The following RAB29 variants were observed in gnomAD, a reference collection of about 807,000 sequenced individuals.
RAB29 encodes ras-related protein Rab-29.
RAB29 carries 13 observed loss-of-function variants against 25.5 expected under a neutral mutation model. The ratio of observed to expected loss-of-function variants is 0.51; its 90% CI spans 0.33 to 0.81. The LOEUF (loss-of-function observed/expected upper bound fraction) is 0.81. Among genes scored for constraint, RAB29 ranks in the 30% least tolerant of loss-of-function variants. The pLI is 0.02. For synonymous variants in RAB29, 88 were observed against 95.0 expected (o/e 0.93, Z 0.43); for missense variants, 201 against 254.9 (o/e 0.79, Z 1.44).
chr1:205,773,766 A>T (rs574777137), intron 2 of RAB29, among the ~76,000 whole-genome samples: 8 of 152,072 alleles, frequency 5.3e-5, no homozygotes, highest in Admixed American at 3.3e-4. Flanking sequence ...TCAGCCTCCT[A>T]AAGTGCTGGG....
rs1405534096 is a variant in RAB29 at position 205,769,644 on chromosome 1, G to T, written c.*698C>A. ...GGGTTTTGCCATGCTGACCAGGTTG[G>T]TCTCGAATTCCTGGCCTCATGTGAT... On this transcript the variant is annotated 3_prime_UTR_variant, in exon 6 of 6. Transcript: ENST00000367139. 6.6e-6 allele frequency: 1 copy of T among 152,638 alleles called. No individual in the cohort carries two copies. The highest frequency in any genetic ancestry group is 1.5e-5 in the Non-Finnish European group (1 of 68,466). The allele number at this position is 152,638 out of a possible 1,614,324, so 9.5% of individuals were successfully genotyped here.
chr1:205,771,359 A>C, intron 4 of RAB29, 113 bp downstream of exon 4: 1 of 1,230,364 alleles, frequency 8.1e-7, no homozygotes, highest in Non-Finnish European at 1.2e-6. Flanking sequence ...GGAGGTAGAG[A>C]TGATTTTGCC....
intron 2 of RAB29, 56 bp from the exon 3 acceptor site, chr1:205,772,623 G>A: frequency 5.3e-6 from 8 of 1,497,630 alleles, no homozygotes; most frequent in Non-Finnish European, 7.4e-6. Context: ...AAATTAATAG[G>A]GATAAACTCA....
chr1:205,771,441 T>C, intron 4 of RAB29, 31 bp downstream of exon 4: 2 of 1,608,010 alleles, frequency 1.2e-6, no homozygotes, highest in Middle Eastern at 1.9e-4. Context: ...AGATAGAGGC[T>C]AGGGACCATT....
At position 205,772,577 on chromosome 1, in the gene RAB29, T is replaced by A. The variant is rs375056308; in HGVS notation, c.125-10A>T. ...TTCAGAGCAAAATCCACTGAAAATA[T>A]ATGTACATTATACTTTAATAAAATT... On this transcript the variant is annotated splice_polypyrimidine_tract_variant and intron_variant, in intron 2 of 5. Transcript: ENST00000367139. The A allele has an allele frequency of 3.1e-6, 5 of 1,605,678 alleles. No homozygotes were observed. The African/African-American group carries it at 5.4e-5, about 17-fold the overall frequency.
intron 2 of RAB29, among the ~76,000 whole-genome samples, chr1:205,773,200 G>A (rs998768680): frequency 6.6e-6 from 1 of 152,230 alleles, no homozygotes; most frequent in African/African-American, 2.4e-5. Flanking sequence ...GGCTGAGTAA[G>A]TATTCCATGG....
At chr1:205,771,027 A>G (rs940886176) in intron 4 of RAB29, 173 bp from the exon 5 acceptor site, 15 of 893,804 alleles carry the variant, frequency 1.7e-5, no homozygotes, top group Non-Finnish European at 2.1e-5. Context: ...GGCTGGGCGC[A>G]GTGGCTCACG....
In RAB29 at chr1:205,770,150, G is replaced by C. The variant is rs116438301; in HGVS notation, c.*192C>G. On this transcript the variant is annotated 3_prime_UTR_variant, in exon 6 of 6. Coordinates refer to ENST00000367139, the MANE Select transcript of RAB29 (RefSeq NM_003929.3). Reference sequence around the variant, plus strand: ...GCACTAATGTGAGCCAGCAACATGTGAAAGGCTAATCCAGGAGATGCAGAA... The same window carrying C: ...GCACTAATGTGAGCCAGCAACATGTCAAAGGCTAATCCAGGAGATGCAGAA... The C allele has an allele frequency of 4.8e-3, 2,954 of 612,374 alleles. 63 individuals are homozygous for C. In the African/African-American group the frequency reaches 0.049, roughly 10 times the overall value. The allele number at this position is 612,374 out of a possible 1,614,324, so 37.9% of individuals were successfully genotyped here. A position where few individuals can be genotyped will look rare whatever the true frequency, so the allele number is the denominator to read the frequency against.
chr1:205,774,231 C>A (rs1655177258), intron 2 of RAB29, among the ~76,000 whole-genome samples: 1 of 152,252 alleles, frequency 6.6e-6, no homozygotes, highest in South Asian at 2.1e-4. Flanking sequence ...AAAAACACAG[C>A]TCATCAGCCC....
At chr1:205,772,836 G>T (rs545576374) in intron 2 of RAB29, among the ~76,000 whole-genome samples, 1 of 152,060 alleles carries the variant, frequency 6.6e-6, no homozygotes, top group East Asian at 1.9e-4. Context: ...AAGACTGGGG[G>T]TGGGAGTAAC....
chr1:205,772,420 G>T, intron 3 of RAB29, 76 bp downstream of exon 3: 1 of 1,439,818 alleles, frequency 6.9e-7, no homozygotes, highest in Non-Finnish European at 9.8e-7. Context: ...TGGCTTTGCT[G>T]CCCCATTTTT....
At chr1:205,771,216 G>A (rs894405994) in intron 4 of RAB29, 7 of 508,802 alleles carry the variant, frequency 1.4e-5, no homozygotes, top group African/African-American at 5.8e-5. Context: ...AGAGAATGGC[G>A]TGAACCTGGG....
chr1:205,775,099 GAAA>G lies in RAB29; in HGVS notation c.-130-16_-130-14del. ...CCGCCTGTCTGGGCTGCTCTGACGAGAAAGCAAAAAAGGAAACTTTGCACTCAA... is the reference window on the plus strand; with the variant it reads ...CCGCCTGTCTGGGCTGCTCTGACGAGGCAAAAAAGGAAACTTTGCACTCAA... On this transcript the variant is annotated splice_polypyrimidine_tract_variant and intron_variant, in intron 1 of 5. Coordinates refer to ENST00000367139, the MANE Select transcript of RAB29 (RefSeq NM_003929.3). 5 of 1,145,762 alleles carry G rather than the reference GAAA, an allele frequency of 4.4e-6. No homozygotes were observed. Among genetic ancestry groups the G allele is most frequent in the Non-Finnish European group, 6.0e-6 (5 of 828,594 alleles). The allele number at this position is 1,145,762 out of a possible 1,614,324, so 71.0% of individuals were successfully genotyped here. A position where few individuals can be genotyped will look rare whatever the true frequency, so the allele number is the denominator to read the frequency against.
In RAB29 at chr1:205,775,104, C is replaced by CA. The variant is rs1044023502; in HGVS notation, c.-130-19dup. 7.3e-6 allele frequency: 8 copies of CA among 1,097,058 alleles called. No individual in the cohort carries two copies. Among genetic ancestry groups the CA allele is most frequent in the Non-Finnish European group, 1.0e-5 (8 of 787,216 alleles). 68.0% of individuals were successfully genotyped at this position (1,097,058 alleles called of 1,614,324 possible). A position where few individuals can be genotyped will look rare whatever the true frequency, so the allele number is the denominator to read the frequency against. On this transcript the variant is annotated intron_variant, in intron 1 of 5. Transcript: ENST00000367139. Reference sequence around the variant, plus strand: ...TGTCTGGGCTGCTCTGACGAGAAAGCAAAAAAGGAAACTTTGCACTCAACC... The same window carrying CA: ...TGTCTGGGCTGCTCTGACGAGAAAGCAAAAAAAGGAAACTTTGCACTCAACC...
At chr1:205,774,795 T>TACCCCCC in intron 2 of RAB29, 38 bp downstream of exon 2, 1 of 860,522 alleles carries the variant, frequency 1.2e-6, no homozygotes, top group African/African-American at 1.7e-5. Flanking sequence ...CGGGGCCTCC[T>TACCCCCC]CCTCCCCCTC....
rs1188916993 is a variant in RAB29 at position 205,771,649 on chromosome 1, C to T, written c.201G>A (p.Gln67=). ...ATCGTGTCATAGAGGTGAAGCGCTC[C>T]TGCCCTGGGGAGAAAGGGGAGAGTT... ...VRLQLWDIAG[Q]ERFTSMTRLY... is the part of the protein sequence containing the mutation. The change falls in exon 4 of 6, where the codon CAG becomes CAA. Residue 67 remains glutamine (Q), a synonymous_variant. Transcript: ENST00000367139. 4 of 1,614,032 alleles carry T rather than the reference C, an allele frequency of 2.5e-6. No individual in the cohort carries two copies. Among genetic ancestry groups the T allele is most frequent in the Non-Finnish European group, 3.4e-6 (4 of 1,179,894 alleles).
chr1:205,774,564 C>T (rs1303840968), intron 2 of RAB29, among the ~76,000 whole-genome samples: 1 of 152,222 alleles, frequency 6.6e-6, no homozygotes. Flanking sequence ...TCCTCATCCT[C>T]CCTTCCCTAT....
intron 3 of RAB29, 76 bp from the exon 4 acceptor site, chr1:205,771,729 A>G: frequency 7.0e-7 from 1 of 1,426,850 alleles, no homozygotes; most frequent in Admixed American, 1.7e-5. Context: ...GAGGGCAGTA[A>G]GCATATGTGT....
Position 205,769,296 on chromosome 1 carries a change from A to G in RAB29, c.*1046T>C, listed in dbSNP as rs1462873534. The G allele has an allele frequency of 6.6e-6, 1 of 152,260 alleles. No individual in the cohort carries two copies. The highest frequency in any genetic ancestry group is 1.5e-5 in the Non-Finnish European group (1 of 68,054). 9.4% of individuals were successfully genotyped at this position (152,260 alleles called of 1,614,324 possible). A position where few individuals can be genotyped will look rare whatever the true frequency, so the allele number is the denominator to read the frequency against. On this transcript the variant is annotated 3_prime_UTR_variant, in exon 6 of 6. Transcript: ENST00000367139. ...ATCACAGCCAGCTGATGTCACTTGC[A>G]GTATTATGCATTAAGACATCAACCC... is the stretch of plus-strand genomic sequence containing the variant.
Sources: allele counts gnomAD v4.1 joint callset (sites outside exome capture counted in the v4.1 genomes callset), GRCh38; gene constraint gnomAD v4.1.1; transcripts MANE v1.5; gene names NCBI Gene and HGNC (gene_info 2026-07-23, HGNC 2026-07-21).